ACTR3C: variants seen among roughly 807,000 people sequenced by gnomAD.
ACTR3C encodes the protein actin related protein 3C, also known as actin-related protein 3C.
ACTR3C carries 18 observed loss-of-function variants against 26.3 expected under a neutral mutation model. That is an observed-to-expected ratio of 0.68 (90% confidence interval 0.47 to 1.01). The LOEUF is 1.01. Ranked by LOEUF, ACTR3C falls within the 50% of genes least tolerant of loss-of-function variation. The pLI, the probability that ACTR3C is intolerant of heterozygous loss-of-function variation, is 0.00. For missense variants in ACTR3C, 184 were observed against 250.7 expected (o/e 0.73, Z 1.80); for synonymous variants, 55 against 94.5 (o/e 0.58, Z 2.42).
At chr7:150,088,220 G>T in the ACTR3C span, among the ~76,000 whole-genome samples, 3 of 152,050 alleles carry the variant, frequency 2.0e-5, no homozygotes, top group Admixed American at 6.6e-5. Flanking sequence ...TTTGTTGTTT[G>T]TGCATTTGGT....
chr7:150,208,909 G>A, the ACTR3C span, among the ~76,000 whole-genome samples: 8 of 152,190 alleles, frequency 5.3e-5, no homozygotes, highest in African/African-American at 1.9e-4. Flanking sequence ...AATTCCATAT[G>A]TGCAAAATGT....
chr7:150,163,441 T>G, the ACTR3C span, among the ~76,000 whole-genome samples: 2 of 151,684 alleles, frequency 1.3e-5, no homozygotes, highest in Admixed American at 1.3e-4. Flanking sequence ...TATATACATA[T>G]ATATACTTAT....
At chr7:150,097,247 A>G in the ACTR3C span, among the ~76,000 whole-genome samples, 2 of 151,878 alleles carry the variant, frequency 1.3e-5, no homozygotes, top group South Asian at 4.1e-4. Context: ...TCAAATGACT[A>G]TTGATTGTGA....
At chr7:149,913,357 C>T in the ACTR3C span, among the ~76,000 whole-genome samples, 8 of 152,316 alleles carry the variant, frequency 5.3e-5, no homozygotes, top group African/African-American at 1.9e-4. Flanking sequence ...ATGTAGCAGG[C>T]ACTGTACTAG....
At chr7:150,041,955 C>T in the ACTR3C span, among the ~76,000 whole-genome samples, 2 of 147,474 alleles carry the variant, frequency 1.4e-5, no homozygotes, top group Admixed American at 6.8e-5. Context: ...ACGTAAGGTA[C>T]CTGCTGTCGG....
intron 1 of ACTR3C, among the ~76,000 whole-genome samples, chr7:150,315,047 C>A (rs1796722816): frequency 6.9e-6 from 1 of 143,930 alleles, no homozygotes; most frequent in South Asian, 2.2e-4. Context: ...TTAATAATTA[C>A]TTTTATTATT....
chr7:150,236,154 A>C, the ACTR3C span, among the ~76,000 whole-genome samples: 1 of 152,222 alleles, frequency 6.6e-6, no homozygotes, highest in Non-Finnish European at 1.5e-5. Flanking sequence ...GCTGTCTCAC[A>C]TTTAACCCTG....
chr7:150,224,997 C>T, the ACTR3C span, among the ~76,000 whole-genome samples: 2 of 143,886 alleles, frequency 1.4e-5, no homozygotes, highest in African/African-American at 5.4e-5. Context: ...TTGGCCACAC[C>T]CCCATTAGTG....
At chr7:150,147,371 A>C in the ACTR3C span, among the ~76,000 whole-genome samples, 1 of 152,348 alleles carries the variant, frequency 6.6e-6, no homozygotes, top group African/African-American at 2.4e-5. Context: ...AAAAATTATA[A>C]GCAAAAACAA....
chr7:149,920,383 G>C, the ACTR3C span, among the ~76,000 whole-genome samples: 4 of 148,238 alleles, frequency 2.7e-5, no homozygotes, highest in Admixed American at 6.9e-5. Flanking sequence ...CACAACTCAC[G>C]GTAACCTCGA....
chr7:150,264,345 A>G (rs1458685935), intron 6 of ACTR3C, among the ~76,000 whole-genome samples: 1 of 152,208 alleles, frequency 6.6e-6, no homozygotes, highest in East Asian at 1.9e-4. Context: ...GAACTTTAAA[A>G]CTAGGCAACA....
chr7:150,169,715 G>C, the ACTR3C span, among the ~76,000 whole-genome samples: 371 of 150,948 alleles, frequency 2.5e-3, 4 homozygotes, highest in Middle Eastern at 0.017. Flanking sequence ...TGAATCATAT[G>C]AGCTTATTAT....
the ACTR3C span, among the ~76,000 whole-genome samples, chr7:149,888,010 C>A: frequency 6.6e-6 from 1 of 152,022 alleles, no homozygotes; most frequent in Non-Finnish European, 1.5e-5. Flanking sequence ...TTTTTTCCCC[C>A]CAGTTTCAGG....
the ACTR3C span, among the ~76,000 whole-genome samples, chr7:150,186,542 T>C: frequency 5.9e-5 from 9 of 152,178 alleles, no homozygotes; most frequent in South Asian, 2.1e-4. Context: ...CATTTCCTTC[T>C]GGACTAACTC....
At chr7:149,984,627 G>A in the ACTR3C span, among the ~76,000 whole-genome samples, 1 of 151,582 alleles carries the variant, frequency 6.6e-6, no homozygotes. Context: ...CTCTTTCACA[G>A]AAAGTCACTG....
chr7:150,240,876 C>T (rs1440915964), downstream of ACTR3C, among the ~76,000 whole-genome samples: 1 of 152,118 alleles, frequency 6.6e-6, no homozygotes, highest in African/African-American at 2.4e-5. Context: ...ATCATCAATA[C>T]ACAAAAATCA....
intron 6 of ACTR3C, among the ~76,000 whole-genome samples, chr7:150,271,123 A>C (rs1834417857): frequency 7.3e-6 from 1 of 137,792 alleles, no homozygotes; most frequent in Non-Finnish European, 1.5e-5. Flanking sequence ...AATAGAGCAA[A>C]AAGTGGTCAG....
At chr7:150,254,525 G>A (rs1833073541) in intron 6 of ACTR3C, among the ~76,000 whole-genome samples, 1 of 152,112 alleles carries the variant, frequency 6.6e-6, no homozygotes, top group African/African-American at 2.4e-5. Flanking sequence ...CTCCCAGACA[G>A]TATCAAAGAG....
At chr7:150,038,564 T>G in the ACTR3C span, among the ~76,000 whole-genome samples, 1 of 145,538 alleles carries the variant, frequency 6.9e-6, no homozygotes, top group Non-Finnish European at 1.5e-5. Flanking sequence ...TTCTCTCACC[T>G]GCCTTCTGCC....
Sources: gnomAD v4.1 joint callset for allele counts (sites outside exome capture counted in the v4.1 genomes callset) on GRCh38, gnomAD v4.1.1 for gene constraint, MANE v1.5 for transcripts, NCBI Gene and HGNC (gene_info 2026-07-23, HGNC 2026-07-21) for gene names.